The following TCEAL4 variants were observed in gnomAD, a reference collection of about 807,000 sequenced individuals.
TCEAL4 encodes the protein transcription elongation factor A like 4.
A neutral mutation model predicts 1.3 loss-of-function variants in TCEAL4; 1 was observed. The observed-to-expected ratio is 0.79, with a 90% CI of 0.28 to 3.76. The LOEUF (loss-of-function observed/expected upper bound fraction) is 3.76. Among genes scored for constraint, TCEAL4 ranks in the 30% most tolerant of loss-of-function variants. TCEAL4 has a pLI of 0.18. For synonymous variants in TCEAL4, 54 were observed against 50.7 expected (o/e 1.06, Z -0.28); for missense variants, 129 against 154.7 (o/e 0.83, Z 0.88).
At chrX:103,586,330 A>G in intron 2 of TCEAL4, 39 bp downstream of exon 2, 1 of 1,161,380 alleles carries the variant, frequency 8.6e-7, no homozygotes, top group East Asian at 3.3e-5. Context: ...AGGGGCCCAC[A>G]AGGGTTGAGA....
intron 1 of TCEAL4, chrX:103,585,868 C>G (rs183037507): frequency 9.6e-7 from 1 of 1,045,117 alleles, no homozygotes; most frequent in Non-Finnish European, 1.3e-6. Flanking sequence ...GGCACATCCT[C>G]TTCTCTGCCC....
chrX:103,580,376 T>G lies in TCEAL4; in HGVS notation c.183+3163T>G, dbSNP rs1375290889. Reference sequence around the variant, plus strand: ...GTTCCATTTTTTTTAAATTATAAACTAAGCCAATGGAATCACTATTGTAGT... The same window carrying G: ...GTTCCATTTTTTTTAAATTATAAACGAAGCCAATGGAATCACTATTGTAGT... On this transcript the variant is annotated intron_variant, in intron 2 of 4. Coordinates refer to the TCEAL4 transcript ENST00000372629. 2.7e-5 allele frequency among the ~76,000 whole-genome samples: 3 copies of G among 112,223 alleles called. No individual in the cohort carries two copies. The Admixed American group carries it at 2.8e-4, about 11-fold the overall frequency.
intron 1 of TCEAL4, 157 bp from the exon 2 acceptor site, chrX:103,586,062 T>C (rs899769521): frequency 7.4e-6 from 8 of 1,087,062 alleles, no homozygotes; most frequent in African/African-American, 5.7e-5. Context: ...CATCCTGATT[T>C]GGTGCCCGAG....
Position 103,586,211 on chromosome X carries a change from G to A in TCEAL4, c.-100-8G>A, listed in dbSNP as rs1451145202. 8.6e-7 allele frequency: 1 copy of A among 1,166,091 alleles called. No individual in the cohort carries two copies. The highest frequency in any genetic ancestry group is 1.9e-5 in the South Asian group (1 of 52,697). ...CAGACCCTGCCCCTGTCTCCTGTCT[G>A]TCTGCAGGTCTGCGCGTCTGTTGTT... On this transcript the variant is annotated splice_region_variant and splice_polypyrimidine_tract_variant and intron_variant, in intron 1 of 2. Transcript: ENST00000472484.
intron 1 of TCEAL4, 29 bp from the exon 2 acceptor site, chrX:103,586,190 C>T: frequency 2.6e-6 from 3 of 1,165,256 alleles, no homozygotes; most frequent in Non-Finnish European, 3.4e-6. Flanking sequence ...AGCGCGCAGA[C>T]CCTGCCCCTG....
In TCEAL4 at chrX:103,587,406, G is replaced by GC; in HGVS notation, c.*85dup. 9.4e-7 allele frequency: 1 copy of GC among 1,062,703 alleles called. No homozygotes were observed. The highest frequency in any genetic ancestry group is 1.2e-6 in the Non-Finnish European group (1 of 800,703). The allele number at this position is 1,062,703 out of a possible 1,213,427, so 87.6% of individuals were successfully genotyped here. A position where few individuals can be genotyped will look rare whatever the true frequency, so the allele number is the denominator to read the frequency against. ...TTAGGCATCCCTCCTGTTGCTAGCA[G>GC]CCTTTTGACCTATCTGCAATGCAGT... On this transcript the variant is annotated 3_prime_UTR_variant, in exon 3 of 3. Coordinates refer to ENST00000472484, the MANE Select transcript of TCEAL4 (RefSeq NM_001006935.3).
At position 103,587,237 on chromosome X, in the gene TCEAL4, GA is replaced by G; in HGVS notation, c.563del (p.Asp188AlafsTer41). The G allele has an allele frequency of 8.3e-7, 1 of 1,209,889 alleles. No individual in the cohort carries two copies. The highest frequency in any genetic ancestry group is 1.1e-6 in the Non-Finnish European group (1 of 894,904). On this transcript the variant is annotated frameshift_variant, in exon 3 of 3. Coordinates refer to ENST00000472484, the MANE Select transcript of TCEAL4 (RefSeq NM_001006935.3). LOFTEE classifies it low-confidence loss of function (END_TRUNC). ...TTTGTGGATGCAAAGAAATTTACAG[GA>G]CCCCTTCTACCCTAGAGGTCCAAGG... ...AFLWMQRNLQ[D>X]PFYPRGPREF...
upstream of TCEAL4, among the ~76,000 whole-genome samples, chrX:103,583,992 A>T (rs765820799): frequency 9.0e-5 from 10 of 110,958 alleles, no homozygotes; most frequent in Non-Finnish European, 1.9e-4. Context: ...CAATGGCGTG[A>T]TCTCGGCTCA....
upstream of TCEAL4, chrX:103,585,380 C>A: frequency 2.5e-6 from 2 of 810,547 alleles, no homozygotes; most frequent in Non-Finnish European, 1.6e-6. Context: ...AATTTCTTAA[C>A]AAGAAAAAAA....
At chrX:103,585,172 A>G (rs2147621355), upstream of TCEAL4, among the ~76,000 whole-genome samples, 1 of 111,850 alleles carries the variant, frequency 8.9e-6, no homozygotes, top group Non-Finnish European at 1.9e-5. Context: ...TTATTTTGGA[A>G]AATTTTTCTT....
Position 103,577,293 on chromosome X carries a change from T to C in TCEAL4, c.183+80T>C, listed in dbSNP as rs1470368213. 6.8e-6 allele frequency: 7 copies of C among 1,036,641 alleles called. No individual in the cohort carries two copies. In the African/African-American group the frequency reaches 1.3e-4, roughly 20 times the overall value. 85.4% of individuals were successfully genotyped at this position (1,036,641 alleles called of 1,213,427 possible). ...TAGTAAAAGTATGGAACATTTCTAA[T>C]GCTAATCAATGGAGAATTGATTAAA... is the stretch of plus-strand genomic sequence containing the variant. On this transcript the variant is annotated intron_variant, in intron 2 of 4. Coordinates refer to the TCEAL4 transcript ENST00000372629.
chrX:103,579,951 T>G (rs771354901), intron 2 of TCEAL4, among the ~76,000 whole-genome samples: 15 of 112,562 alleles, frequency 1.3e-4, no homozygotes, highest in African/African-American at 4.5e-4. Flanking sequence ...GGCTTTCTTG[T>G]TTTATTTCTC....
At chrX:103,585,479 C>T, upstream of TCEAL4, 1 of 1,092,678 alleles carries the variant, frequency 9.2e-7, no homozygotes, top group East Asian at 3.5e-5. Context: ...GGGCGTGGGG[C>T]GGTGGAACTC....
exon 1 of TCEAL4, chrX:103,576,428 G>A (rs1285512555): frequency 8.6e-7 from 1 of 1,165,566 alleles, no homozygotes; most frequent in Non-Finnish European, 1.1e-6. Context: ...GAGTTCAGCT[G>A]CTAGGTTCTT....
chrX:103,582,911 G>A (rs760430450), upstream of TCEAL4, among the ~76,000 whole-genome samples: 123 of 111,358 alleles, frequency 1.1e-3, no homozygotes, highest in Middle Eastern at 4.6e-3. Flanking sequence ...CTTCTACACA[G>A]CAAACAAAAC....
Position 103,585,539 on chromosome X carries a change from G to C in TCEAL4, c.-186G>C. ...TGCACGGGCGCAGATGTAGGCACCG[G>C]TCCGAGTGCCTGCCCTCTGTCCCCG... is the stretch of plus-strand genomic sequence containing the variant. On this transcript the variant is annotated 5_prime_UTR_variant, in exon 1 of 3. Coordinates refer to ENST00000472484, the MANE Select transcript of TCEAL4 (RefSeq NM_001006935.3). The C allele has an allele frequency of 8.6e-7, 1 of 1,158,689 alleles. No individual in the cohort carries two copies. The highest frequency in any genetic ancestry group is 3.3e-5 in the East Asian group (1 of 30,499).
At chrX:103,576,388 C>T (rs1490619634) in exon 1 of TCEAL4, 2 of 1,138,768 alleles carry the variant, frequency 1.8e-6, no homozygotes, top group East Asian at 6.6e-5. Flanking sequence ...TAACAAATTA[C>T]TCCAAAATTT....
At chrX:103,581,371 C>T (rs767334303), upstream of TCEAL4, among the ~76,000 whole-genome samples, 11 of 111,633 alleles carry the variant, frequency 9.9e-5, no homozygotes, top group African/African-American at 3.6e-4. Flanking sequence ...AAAGGAAAGA[C>T]TCCTCCTTAA....
In TCEAL4 at chrX:103,579,985, T is replaced by C. The variant is rs143482135; in HGVS notation, c.183+2772T>C. ...TCTTATTGTGCTTATTTCAGTACTA[T>C]ATTGGTTAAAATTGTAGCCTTATAA... is the stretch of plus-strand genomic sequence containing the variant. On this transcript the variant is annotated intron_variant, in intron 2 of 4. Coordinates refer to the TCEAL4 transcript ENST00000372629. Among the ~76,000 whole-genome samples, 330 of 112,369 alleles carry C rather than the reference T, an allele frequency of 2.9e-3. 1 individual carries two copies. Among genetic ancestry groups the C allele is most frequent in the Non-Finnish European group, 4.8e-3 (254 of 53,317 alleles).
Sources: gnomAD v4.1 joint callset for allele counts (sites outside exome capture counted in the v4.1 genomes callset) on GRCh38, gnomAD v4.1.1 for gene constraint, MANE v1.5 for transcripts, NCBI Gene and HGNC (gene_info 2026-07-23, HGNC 2026-07-21) for gene names.